CADM2: variants seen among roughly 807,000 people sequenced by gnomAD.
CADM2 encodes the protein cell adhesion molecule 2.
CADM2 carries 12 observed loss-of-function variants against 49.8 expected under a neutral mutation model. The observed-to-expected ratio is 0.24, with a 90% CI of 0.15 to 0.39. CADM2 has a LOEUF of 0.39. Ranked by LOEUF, CADM2 falls within the 10% of genes least tolerant of loss-of-function variation. The pLI is 1.00. For synonymous variants in CADM2, 214 were observed against 175.4 expected (o/e 1.22, Z -1.74); for missense variants, 378 against 492.3 (o/e 0.77, Z 2.20).
chr3:85,006,595 C>T (rs189020731), intron 1 of CADM2, among the ~76,000 whole-genome samples: 1 of 152,180 alleles, frequency 6.6e-6, no homozygotes, highest in Non-Finnish European at 1.5e-5. Flanking sequence ...GAAACATGGT[C>T]AAGGATAAAA....
chr3:85,873,274 A>G (rs2075998247), intron 3 of CADM2, among the ~76,000 whole-genome samples: 1 of 152,218 alleles, frequency 6.6e-6, no homozygotes, highest in South Asian at 2.1e-4. Flanking sequence ...GTAACTTAGT[A>G]TAAATAGAAT....
At chr3:85,152,191 T>A (rs1364049983) in intron 1 of CADM2, among the ~76,000 whole-genome samples, 2 of 152,158 alleles carry the variant, frequency 1.3e-5, no homozygotes, top group Non-Finnish European at 2.9e-5. Context: ...ACATATTTCA[T>A]ATAATTTAAT....
intron 1 of CADM2, among the ~76,000 whole-genome samples, chr3:85,405,376 T>C (rs1256057584): frequency 6.6e-6 from 1 of 152,122 alleles, no homozygotes; most frequent in Non-Finnish European, 1.5e-5. Flanking sequence ...ATCCTTACCA[T>C]AGCTATTATC....
At chr3:85,647,674 C>A (rs2107571777) in intron 1 of CADM2, among the ~76,000 whole-genome samples, 1 of 151,636 alleles carries the variant, frequency 6.6e-6, no homozygotes. Flanking sequence ...CCACATAGAA[C>A]AAAAGACAAA....
intron 1 of CADM2, among the ~76,000 whole-genome samples, chr3:85,632,630 A>G (rs1308650221): frequency 6.6e-6 from 1 of 152,106 alleles, no homozygotes; most frequent in African/African-American, 2.4e-5. Flanking sequence ...GAGGATGCTC[A>G]TGACAGCAAC....
intron 1 of CADM2, among the ~76,000 whole-genome samples, chr3:85,261,462 C>T (rs2043012929): frequency 6.6e-6 from 1 of 152,072 alleles, no homozygotes; most frequent in Non-Finnish European, 1.5e-5. Flanking sequence ...TAATTGCTTC[C>T]AGTTTCTACT....
rs536880066 is a variant in CADM2 at position 85,963,558 on chromosome 3, A to G, written c.970+1911A>G. ...TGCTTCTCTCACCTAACAGTTTCTG[A>G]GCACCTGGGGATATGTTGTATAGCA... On this transcript the variant is annotated intron_variant, in intron 8 of 9. Coordinates refer to ENST00000383699, the MANE Select transcript of CADM2 (RefSeq NM_001167675.2). Among the ~76,000 whole-genome samples the G allele has an allele frequency of 5.3e-5, 8 of 152,036 alleles. No homozygotes were observed. The South Asian group carries it at 1.5e-3, about 28-fold the overall frequency.
intron 1 of CADM2, among the ~76,000 whole-genome samples, chr3:85,065,050 T>C (rs1361954382): frequency 6.6e-6 from 1 of 152,086 alleles, no homozygotes; most frequent in Non-Finnish European, 1.5e-5. Context: ...AATAAAATAA[T>C]ATCACACAAC....
At chr3:85,709,532 T>C (rs1421373472) in intron 1 of CADM2, among the ~76,000 whole-genome samples, 1 of 152,194 alleles carries the variant, frequency 6.6e-6, no homozygotes, top group Non-Finnish European at 1.5e-5. Flanking sequence ...AAAATGGTTC[T>C]TATTTATGAT....
rs1264539522 is a variant in CADM2, at chr3:85,800,521, T to G, written c.89-1526T>G. 7.2e-5 allele frequency: 11 copies of G among 152,938 alleles called. No individual in the cohort carries two copies. In the Admixed American group the frequency reaches 7.2e-4, roughly 10 times the overall value. The allele number at this position is 152,938 out of a possible 1,614,324, so 9.5% of individuals were successfully genotyped here. On this transcript the variant is annotated intron_variant, in intron 2 of 9. Transcript: ENST00000383699. Reference sequence around the variant, plus strand: ...GCTGCCCAGTTTTGTGCTTGAGACTTAGGGCCCTTGTGGTATAGGCACCCG... The same window carrying G: ...GCTGCCCAGTTTTGTGCTTGAGACTGAGGGCCCTTGTGGTATAGGCACCCG...
At chr3:84,977,270 A>G (rs1037531994) in intron 1 of CADM2, among the ~76,000 whole-genome samples, 4 of 152,012 alleles carry the variant, frequency 2.6e-5, no homozygotes, top group Non-Finnish European at 5.9e-5. Flanking sequence ...ACATGGTGAA[A>G]GAGATTTACA....
At chr3:86,010,005 G>C (rs1441606394) in intron 8 of CADM2, among the ~76,000 whole-genome samples, 1 of 151,756 alleles carries the variant, frequency 6.6e-6, no homozygotes, top group Non-Finnish European at 1.5e-5. Flanking sequence ...GAAATTTGCT[G>C]TTCCTTCTAG....
intron 1 of CADM2, among the ~76,000 whole-genome samples, chr3:85,440,191 A>T (rs1229030339): frequency 1.3e-5 from 2 of 152,178 alleles, no homozygotes; most frequent in Admixed American, 1.3e-4. Flanking sequence ...TTTATATCAA[A>T]TCCCTTGATT....
At chr3:85,519,655 T>C (rs916675039) in intron 1 of CADM2, among the ~76,000 whole-genome samples, 2 of 152,178 alleles carry the variant, frequency 1.3e-5, no homozygotes, top group African/African-American at 4.8e-5. Flanking sequence ...TTACATGTTT[T>C]AGTAAGTAAA....
intron 1 of CADM2, among the ~76,000 whole-genome samples, chr3:85,097,246 G>C (rs373126400): frequency 5.9e-5 from 9 of 151,972 alleles, no homozygotes; most frequent in Non-Finnish European, 1.3e-4. Context: ...GAGAACATGC[G>C]GTGTTTGGTT....
chr3:86,020,480 C>T (rs957146674), intron 8 of CADM2, among the ~76,000 whole-genome samples: 48 of 151,976 alleles, frequency 3.2e-4, no homozygotes, highest in Admixed American at 8.5e-4. Context: ...CTCCCTAACT[C>T]ATTTTATGAG....
intron 6 of CADM2, among the ~76,000 whole-genome samples, chr3:85,922,852 C>T (rs374436203): frequency 6.0e-5 from 9 of 149,460 alleles, no homozygotes; most frequent in Non-Finnish European, 8.9e-5. Flanking sequence ...GATGGAGTCT[C>T]GCTCTGTCAC....
intron 1 of CADM2, among the ~76,000 whole-genome samples, chr3:85,661,493 G>A (rs1037646886): frequency 2.0e-5 from 3 of 152,066 alleles, no homozygotes; most frequent in Admixed American, 6.6e-5. Context: ...GCACCTCCTT[G>A]CTTCCTGATG....
intron 1 of CADM2, among the ~76,000 whole-genome samples, chr3:85,532,445 A>G (rs2061335074): frequency 6.6e-6 from 1 of 152,120 alleles, no homozygotes; most frequent in Admixed American, 6.6e-5. Flanking sequence ...TGTATTTTAA[A>G]TATCTTTAAA....
Sources: allele counts gnomAD v4.1 joint callset (sites outside exome capture counted in the v4.1 genomes callset), GRCh38; gene constraint gnomAD v4.1.1; transcripts MANE v1.5; gene names NCBI Gene and HGNC (gene_info 2026-07-23, HGNC 2026-07-21).